GABRG3: variants seen among roughly 807,000 people sequenced by gnomAD.
GABRG3 encodes the protein gamma-aminobutyric acid type A receptor subunit gamma3, also known as gamma-aminobutyric acid receptor subunit gamma-3.
In GABRG3, 25 loss-of-function variants were observed where a neutral mutation model predicts 48.8. That is an observed-to-expected ratio of 0.51 (90% CI 0.37 to 0.72). GABRG3 has a LOEUF of 0.72. Ranked by LOEUF, GABRG3 falls within the 30% of genes least tolerant of loss-of-function variation. GABRG3 has a pLI of 0.00. For synonymous variants in GABRG3, 227 were observed against 217.6 expected, an observed-to-expected ratio of 1.04 and a Z score of -0.38; for missense variants, 394 against 577.9, an observed-to-expected ratio of 0.68 and a Z score of 3.26.
chr15:27,429,634 T>A (rs777366224), intron 5 of GABRG3, among the ~76,000 whole-genome samples: 5 of 152,216 alleles, frequency 3.3e-5, no homozygotes, highest in Non-Finnish European at 5.9e-5. Flanking sequence ...TTTGCTTCCT[T>A]TCAGACACTT....
intron 3 of GABRG3, among the ~76,000 whole-genome samples, chr15:27,306,632 ATATATT>A (rs1697269704): frequency 8.3e-6 from 1 of 119,990 alleles, no homozygotes; most frequent in Non-Finnish European, 1.7e-5. Flanking sequence ...TAATATAAAC[ATATATT>A]TATATATAAA....
intron 5 of GABRG3, chr15:27,362,710 CCAGGAGCCTTTTACTCAGAGG>C (rs1317961530): frequency 6.6e-6 from 1 of 152,186 alleles, no homozygotes; most frequent in Non-Finnish European, 1.5e-5. Flanking sequence ...CGATGCTCCC[CCAGGAGCCTTTTACTCAGAGG>C]CAACATCATG....
intron 3 of GABRG3, among the ~76,000 whole-genome samples, chr15:27,140,365 A>G (rs982020427): frequency 1.3e-5 from 2 of 151,970 alleles, no homozygotes; most frequent in Admixed American, 6.5e-5. Flanking sequence ...TTGCTTGTTG[A>G]TGGGGAGAAA....
Position 27,319,893 on chromosome 15 carries a change from G to A in GABRG3, c.271-6916G>A, listed in dbSNP as rs529443902. Among the ~76,000 whole-genome samples the A allele has an allele frequency of 6.6e-6, 1 of 152,186 alleles. No homozygotes were observed. Among genetic ancestry groups the A allele is most frequent in the Non-Finnish European group, 1.5e-5 (1 of 68,032 alleles). ...AGTTGGAGAATATAGCATTCAATGG[G>A]ATGCGAATCTGAAAGCAGTCAGTGG... On this transcript the variant is annotated intron_variant, in intron 3 of 9. Coordinates refer to ENST00000615808, the MANE Select transcript of GABRG3 (RefSeq NM_033223.5). This position sits in a 1 kb window ranked among gnomAD's most constrained non-coding sequence, Gnocchi z 4.4.
intron 3 of GABRG3, among the ~76,000 whole-genome samples, chr15:27,258,077 T>G (rs1470304268): frequency 1.3e-5 from 2 of 152,202 alleles, no homozygotes; most frequent in Non-Finnish European, 2.9e-5. Context: ...AACGCCCTGC[T>G]GTCCTTGCTA....
At chr15:27,521,150 A>C (rs1279678975) in intron 7 of GABRG3, among the ~76,000 whole-genome samples, 1 of 152,168 alleles carries the variant, frequency 6.6e-6, no homozygotes, top group African/African-American at 2.4e-5. Context: ...ATGTTTGTAC[A>C]AATTGAGACT....
chr15:27,420,104 G>A (rs1888066913), intron 5 of GABRG3, among the ~76,000 whole-genome samples: 1 of 152,186 alleles, frequency 6.6e-6, no homozygotes, highest in African/African-American at 2.4e-5. Flanking sequence ...CTTCAATGCA[G>A]CATTTCTGTA....
chr15:27,353,418 C>CT (rs1894702202), intron 5 of GABRG3, among the ~76,000 whole-genome samples: 1 of 128,320 alleles, frequency 7.8e-6, no homozygotes, highest in South Asian at 2.7e-4. Context: ...GCATAGTTTT[C>CT]TTTCTTTCTA....
intron 3 of GABRG3, among the ~76,000 whole-genome samples, chr15:27,051,756 A>G (rs1566920932): frequency 6.6e-6 from 1 of 152,202 alleles, no homozygotes; most frequent in Non-Finnish European, 1.5e-5. Flanking sequence ...TTACTATTAT[A>G]TTGTAATATA....
chr15:27,454,613 G>T (rs1424912335), intron 5 of GABRG3, among the ~76,000 whole-genome samples: 1 of 152,096 alleles, frequency 6.6e-6, no homozygotes, highest in Non-Finnish European at 1.5e-5. Flanking sequence ...TTTCATGCTG[G>T]GAGGATTCAG....
At chr15:27,490,789 TAA>T (rs1454126249) in intron 6 of GABRG3, among the ~76,000 whole-genome samples, 1 of 152,158 alleles carries the variant, frequency 6.6e-6, no homozygotes, top group African/African-American at 2.4e-5. Flanking sequence ...CCATAACAAA[TAA>T]AGATATATTT....
intron 3 of GABRG3, among the ~76,000 whole-genome samples, chr15:27,203,436 A>G (rs1176109751): frequency 2.0e-5 from 3 of 152,126 alleles, no homozygotes; most frequent in African/African-American, 7.2e-5. Context: ...TTCTTTATCC[A>G]GTCCACTGTT....
intron 3 of GABRG3, among the ~76,000 whole-genome samples, chr15:27,099,460 G>A (rs1288884026): frequency 6.6e-6 from 1 of 152,090 alleles, no homozygotes; most frequent in African/African-American, 2.4e-5. Flanking sequence ...CTGTGTTCAA[G>A]TTTTCTCTTC....
intron 3 of GABRG3, among the ~76,000 whole-genome samples, chr15:27,264,674 A>ACAAAAAAGTAAACTCACCACACCTAAGT (rs1890865827): frequency 6.6e-6 from 1 of 151,966 alleles, no homozygotes; most frequent in Non-Finnish European, 1.5e-5. Flanking sequence ...CCAAACAACA[A>ACAAAAAAGTAAACTCACCACACCTAAGT]CAAAAAAGTA....
At chr15:27,014,900 T>G (rs2140669857) in intron 2 of GABRG3, among the ~76,000 whole-genome samples, 1 of 152,314 alleles carries the variant, frequency 6.6e-6, no homozygotes, top group Non-Finnish European at 1.5e-5. Flanking sequence ...TGCTGTCTAG[T>G]TGTCTCTTCA....
At chr15:27,481,715 G>A (rs1890104756) in intron 6 of GABRG3, among the ~76,000 whole-genome samples, 1 of 152,180 alleles carries the variant, frequency 6.6e-6, no homozygotes, top group African/African-American at 2.4e-5. Context: ...GATTCTCTAT[G>A]AGTGTCATGG....
At chr15:27,524,876 C>G (rs1472911976) in intron 7 of GABRG3, among the ~76,000 whole-genome samples, 3 of 151,950 alleles carry the variant, frequency 2.0e-5, no homozygotes, top group Admixed American at 6.5e-5. Context: ...TAACTACATT[C>G]AATGTAAATT....
intron 3 of GABRG3, among the ~76,000 whole-genome samples, chr15:27,170,887 C>T (rs1267295908): frequency 5.9e-5 from 9 of 152,274 alleles, no homozygotes; most frequent in Middle Eastern, 3.4e-3. Flanking sequence ...ATTATTTATG[C>T]GTCCCCAAAT....
At chr15:27,017,007 A>G (rs1235348444) in intron 2 of GABRG3, among the ~76,000 whole-genome samples, 1 of 152,054 alleles carries the variant, frequency 6.6e-6, no homozygotes, top group Non-Finnish European at 1.5e-5. Flanking sequence ...AAATTTCATT[A>G]GTTTTTTCCA....
Sources: allele counts gnomAD v4.1 joint callset (sites outside exome capture counted in the v4.1 genomes callset), GRCh38; gene constraint gnomAD v4.1.1; non-coding constraint Gnocchi (gnomAD v3.1); transcripts MANE v1.5; gene names NCBI Gene and HGNC (gene_info 2026-07-23, HGNC 2026-07-21).